The following USP42 variants were observed in gnomAD, a reference collection of about 807,000 sequenced individuals.
USP42 encodes ubiquitin specific peptidase 42.
A neutral mutation model predicts 113.0 loss-of-function variants in USP42; 23 were observed. The ratio of observed to expected loss-of-function variants is 0.20; its 90% CI spans 0.15 to 0.29. USP42 has a LOEUF of 0.29. USP42 is among the 10% of genes least tolerant of loss of function. The probability of loss-of-function intolerance (pLI) is 1.00; values close to 1 mark genes in which losing one functional copy is unlikely to be tolerated. For missense variants in USP42, 2,174 were observed against 1,779.8 expected (o/e 1.22, Z -3.99); for synonymous variants, 933 against 699.0 (o/e 1.33, Z -5.28).
chr7:6,147,814 C>G lies in USP42; in HGVS notation c.1308C>G (p.Val436=), dbSNP rs759456118. The part of the protein sequence containing the change: ...HSPGQSSPRP[V]ISQRVVTNKQ... The stretch of plus-strand genomic sequence containing the variant: ...CCGGCCAGTCCTCTCCCCGCCCCGT[C>G]ATCAGTCAGCGGGTTGTCACCAACA... Residue 436 remains valine (V), a synonymous_variant, in exon 12 of 18, where the codon GTC becomes GTG. Transcript: ENST00000306177. The G allele has an allele frequency of 1.4e-5, 23 of 1,613,562 alleles. No individual in the cohort carries two copies. The South Asian group carries it at 2.5e-4, about 18-fold the overall frequency.
At chr7:6,146,349 A>C (rs185290636) in intron 11 of USP42, 101 bp downstream of exon 11, 9 of 824,754 alleles carry the variant, frequency 1.1e-5, no homozygotes, top group East Asian at 8.4e-5. Context: ...AAAAAAAAAA[A>C]AAACCCAGCA....
rs770268812 is a variant in USP42, at chr7:6,147,723, C to T, written c.1233-16C>T. The T allele has an allele frequency of 1.3e-6, 2 of 1,565,418 alleles. No individual in the cohort carries two copies. The highest frequency in any genetic ancestry group is 1.4e-5 in the African/African-American group (1 of 73,754). Reference sequence around the variant, plus strand: ...GTGTCCTGTGTCACCCTAAGTATCGCTCTCCTTGTTTCCAGGTCCCATGAT... The same window carrying T: ...GTGTCCTGTGTCACCCTAAGTATCGTTCTCCTTGTTTCCAGGTCCCATGAT... On this transcript the variant is annotated splice_polypyrimidine_tract_variant and intron_variant, in intron 11 of 17. Transcript: ENST00000306177.
Position 6,133,893 on chromosome 7 carries a change from T to TC in USP42, c.443-1948_443-1947insC, listed in dbSNP as rs1422251610. Among the ~76,000 whole-genome samples, 420 of 142,284 alleles carry TC rather than the reference T, an allele frequency of 3.0e-3. 1 individual carries two copies. The highest frequency in any genetic ancestry group is 0.01 in the African/African-American group (399 of 39,764). 93.3% of individuals were successfully genotyped at this position (142,284 alleles called of 152,430 possible). The stretch of plus-strand genomic sequence containing the variant: ...CATCTATTTCCATGTTTCTTCTTCT[T>TC]TTTTTTTTTTTTTTTGAGACAGCGT... On this transcript the variant is annotated intron_variant, in intron 3 of 17. Transcript: ENST00000306177.
In USP42 at chr7:6,139,790, T is replaced by G; in HGVS notation, c.657-338T>G. The G allele has an allele frequency of 2.6e-6, 1 of 385,746 alleles. No homozygotes were observed. The highest frequency in any genetic ancestry group is 2.5e-5 in the South Asian group (1 of 39,756). The allele number at this position is 385,746 out of a possible 1,614,324, so 23.9% of individuals were successfully genotyped here. ...TTGGGTCGGAGGAAGACTCTCTGCC[T>G]TTTCCGCCTCCGCTCCCTTTCCTCC... is the stretch of plus-strand genomic sequence containing the variant. On this transcript the variant is annotated intron_variant, in intron 5 of 17. Transcript: ENST00000306177. The surrounding 1 kb of genome is among the most constrained non-coding windows in gnomAD (Gnocchi z 4.5).
chr7:6,136,811 T>C (rs1781176827), intron 4 of USP42, among the ~76,000 whole-genome samples: 1 of 151,360 alleles, frequency 6.6e-6, no homozygotes, highest in South Asian at 2.1e-4. Flanking sequence ...GGTTCTTCTT[T>C]TTTTTTTTTT....
At chr7:6,109,926 C>T (rs1402172974) in intron 1 of USP42, among the ~76,000 whole-genome samples, 1 of 151,628 alleles carries the variant, frequency 6.6e-6, no homozygotes, top group Non-Finnish European at 1.5e-5. Flanking sequence ...GTCTCAAACG[C>T]CTGACCTCAG....
In USP42 at chr7:6,159,576, C is replaced by T. The variant is rs1036690572; in HGVS notation, c.*36+83C>T. ...GCAGAGGAGTTTTAATTCTGCGGCT[C>T]TGCCTGGGGGCTGGGCTCATAGGAG... On this transcript the variant is annotated intron_variant, in intron 17 of 17. Transcript: ENST00000306177. The surrounding 1 kb of genome is among the most constrained non-coding windows in gnomAD (Gnocchi z 4.1). 126 of 1,400,632 alleles carry T rather than the reference C, an allele frequency of 9.0e-5. 1 individual carries two copies. Among genetic ancestry groups the T allele is most frequent in the Admixed American group, 1.3e-4 (7 of 54,924 alleles). The allele number at this position is 1,400,632 out of a possible 1,614,324, so 86.8% of individuals were successfully genotyped here.
At chr7:6,126,347 C>T (rs1231478807) in intron 3 of USP42, among the ~76,000 whole-genome samples, 2 of 151,280 alleles carry the variant, frequency 1.3e-5, no homozygotes, top group African/African-American at 4.9e-5. Flanking sequence ...TGCAGTGGCA[C>T]GATCTCAGCT....
At chr7:6,138,240 G>A (rs1334338776) in intron 4 of USP42, among the ~76,000 whole-genome samples, 1 of 152,066 alleles carries the variant, frequency 6.6e-6, no homozygotes, top group Non-Finnish European at 1.5e-5. Flanking sequence ...TTATACTTTT[G>A]TGTTAATTTT....
chr7:6,143,525 G>T (rs1032947680), intron 8 of USP42, among the ~76,000 whole-genome samples: 1 of 152,124 alleles, frequency 6.6e-6, no homozygotes, highest in African/African-American at 2.4e-5. Context: ...CCTATTTTAA[G>T]AAAGCTCTTT....
chr7:6,145,346 A>G (rs1339386302), intron 9 of USP42, among the ~76,000 whole-genome samples, 170 bp from the exon 10 acceptor site: 1 of 150,396 alleles, frequency 6.6e-6, no homozygotes, highest in Non-Finnish European at 1.5e-5. Context: ...AAAAAAAAAG[A>G]TGGCTAAATG....
At chr7:6,107,092 A>G (rs1407510495) in intron 1 of USP42, among the ~76,000 whole-genome samples, 3 of 152,212 alleles carry the variant, frequency 2.0e-5, no homozygotes, top group Non-Finnish European at 4.4e-5. Flanking sequence ...TCAAGACTTC[A>G]TTGGCTGAAT....
rs1332746853 is a variant in USP42 at position 6,153,872 on chromosome 7, A to G, written c.2318A>G (p.Lys773Arg). The change falls in exon 15 of 18, where the codon AAG becomes AGG. Residue 773 changes from lysine to arginine, a missense_variant. Coordinates refer to ENST00000306177, the MANE Select transcript of USP42 (RefSeq NM_032172.3). ...PDAAAGLSST[K>R]KAPPPRDPGT... is the part of the protein sequence containing the mutation. ...GCGGCCGCCGGCCTCAGCAGCACCA[A>G]GAAGGCTCCGCCGCCCCGCGATCCC... 4 of 1,560,844 alleles carry G rather than the reference A, an allele frequency of 2.6e-6. No homozygotes were observed. In the South Asian group the frequency reaches 3.5e-5, roughly 14 times the overall value.
intron 4 of USP42, among the ~76,000 whole-genome samples, chr7:6,137,273 A>G (rs1781199563): frequency 6.6e-6 from 1 of 152,256 alleles, no homozygotes; most frequent in Non-Finnish European, 1.5e-5. Context: ...ACCACAACAG[A>G]CAAGCCAAAA....
rs1358590057 is a variant in USP42, at chr7:6,159,546, C to T, written c.*36+53C>T. ...ATTGTTTGTGGTGGCGCTGAGGGGA[C>T]GCAGGCAGAGGAGTTTTAATTCTGC... On this transcript the variant is annotated intron_variant, in intron 17 of 17. Coordinates refer to ENST00000306177, the MANE Select transcript of USP42 (RefSeq NM_032172.3). The surrounding 1 kb of genome is among the most constrained non-coding windows in gnomAD (Gnocchi z 4.1). 15 of 1,552,800 alleles carry T rather than the reference C, an allele frequency of 9.7e-6. No individual in the cohort carries two copies. Among genetic ancestry groups the T allele is most frequent in the Admixed American group, 5.1e-5 (3 of 59,056 alleles).
Position 6,158,217 on chromosome 7 carries a change from C to G in USP42, c.3943+1162C>G, listed in dbSNP as rs1392042517. Among the ~76,000 whole-genome samples the G allele has an allele frequency of 6.6e-6, 1 of 152,272 alleles. No individual in the cohort carries two copies. Among genetic ancestry groups the G allele is most frequent in the African/African-American group, 2.4e-5 (1 of 41,476 alleles). ...GCAGCCAGGTGCGTTCCCACGCTGT[C>G]TGGCGGCTTCGCTGTCACTGCCTGG... is the stretch of plus-strand genomic sequence containing the variant. On this transcript the variant is annotated intron_variant, in intron 16 of 17. Coordinates refer to ENST00000306177, the MANE Select transcript of USP42 (RefSeq NM_032172.3). This position sits in a 1 kb window ranked among gnomAD's most constrained non-coding sequence, Gnocchi z 4.2.
chr7:6,089,557 G>C, the USP42 span, among the ~76,000 whole-genome samples: 1 of 146,758 alleles, frequency 6.8e-6, no homozygotes, highest in African/African-American at 2.6e-5. Context: ...TTTTGAGATG[G>C]AGTCTCACCC....
intron 3 of USP42, among the ~76,000 whole-genome samples, chr7:6,129,718 A>G (rs1780742567): frequency 6.6e-6 from 1 of 151,954 alleles, no homozygotes; most frequent in Admixed American, 6.6e-5. Flanking sequence ...AAAATTAGCC[A>G]GGTGTGGTGG....
At chr7:6,119,691 TTTG>T (rs577769040) in intron 3 of USP42, among the ~76,000 whole-genome samples, 49 of 152,174 alleles carry the variant, frequency 3.2e-4, no homozygotes, top group Admixed American at 4.6e-4. Context: ...GGCCTTGTTT[TTTG>T]TTGTTGTTGT....
Sources: allele counts gnomAD v4.1 joint callset (sites outside exome capture counted in the v4.1 genomes callset), GRCh38; gene constraint gnomAD v4.1.1; non-coding constraint Gnocchi (gnomAD v3.1); transcripts MANE v1.5; gene names NCBI Gene and HGNC (gene_info 2026-07-23, HGNC 2026-07-21).